MANBA: variants seen among roughly 807,000 people sequenced by gnomAD.
MANBA encodes the protein mannosidase beta.
A neutral mutation model predicts 111.1 loss-of-function variants in MANBA; 83 were observed. The observed-to-expected ratio is 0.75, with a 90% CI of 0.63 to 0.90. The LOEUF is 0.90. MANBA is among the 40% of genes least tolerant of loss of function. The pLI is 0.00. For synonymous variants in MANBA, 370 were observed against 378.7 expected (o/e 0.98, Z 0.27); for missense variants, 1,036 against 1,069.0 (o/e 0.97, Z 0.43).
intron 5 of MANBA, among the ~76,000 whole-genome samples, chr4:102,705,111 G>T (rs1369358379): frequency 6.6e-6 from 1 of 152,164 alleles, no homozygotes; most frequent in Admixed American, 6.5e-5. Flanking sequence ...GGAGAGAAAA[G>T]GAAGGAACCC....
chr4:102,694,965 T>C (rs1732640770), intron 5 of MANBA, among the ~76,000 whole-genome samples: 1 of 152,134 alleles, frequency 6.6e-6, no homozygotes, highest in African/African-American at 2.4e-5. Flanking sequence ...AGAATGTGGT[T>C]CTGGCCACTA....
chr4:102,667,392 CAACTT>C (rs942757979), intron 10 of MANBA: 1 of 152,090 alleles, frequency 6.6e-6, no homozygotes, highest in African/African-American at 2.4e-5. Flanking sequence ...AAAATTGTCT[CAACTT>C]AAAACCAGAT....
chr4:102,672,926 CT>C (rs1035573052), intron 8 of MANBA, among the ~76,000 whole-genome samples: 101 of 152,260 alleles, frequency 6.6e-4, no homozygotes, highest in Middle Eastern at 3.4e-3. Context: ...GACTGCTGTC[CT>C]ACGTAGTTAT....
At chr4:102,751,591 T>A (rs1372466678) in intron 1 of MANBA, 1 of 539,424 alleles carries the variant, frequency 1.9e-6, no homozygotes, top group Non-Finnish European at 3.8e-6. Context: ...TTTCTGCGAA[T>A]GTCCTTGGTC....
At chr4:102,680,708 C>A (rs1731934335) in intron 7 of MANBA, among the ~76,000 whole-genome samples, 1 of 152,204 alleles carries the variant, frequency 6.6e-6, no homozygotes, top group Non-Finnish European at 1.5e-5. Context: ...TGCATGAACT[C>A]CACAGTGAAT....
chr4:102,724,355 C>T (rs1404459960), intron 2 of MANBA, among the ~76,000 whole-genome samples: 1 of 152,102 alleles, frequency 6.6e-6, no homozygotes, highest in Non-Finnish European at 1.5e-5. Context: ...GTCAGGAGTT[C>T]GAGACCATCC....
rs960122613 is a variant in MANBA at position 102,631,284 on chromosome 4, A to G, written c.*773T>C. ...CTAATAATATCTTAATTTTAAAGCC[A>G]AACACTCTTTGCTGGTCCATTCTAT... On this transcript the variant is annotated 3_prime_UTR_variant, in exon 17 of 17. Coordinates refer to ENST00000647097, the MANE Select transcript of MANBA (RefSeq NM_005908.4). 3 of 153,376 alleles carry G rather than the reference A, an allele frequency of 2.0e-5. No homozygotes were observed. Among genetic ancestry groups the G allele is most frequent in the African/African-American group, 7.2e-5 (3 of 41,432 alleles). 9.5% of individuals were successfully genotyped at this position (153,376 alleles called of 1,614,324 possible).
At chr4:102,646,244 C>T (rs1339818036) in intron 13 of MANBA, among the ~76,000 whole-genome samples, 2 of 152,032 alleles carry the variant, frequency 1.3e-5, no homozygotes, top group East Asian at 3.9e-4. Flanking sequence ...ATATAATACA[C>T]AATGTTAATG....
chr4:102,679,054 C>T (rs1256347357), intron 7 of MANBA, among the ~76,000 whole-genome samples: 1 of 152,176 alleles, frequency 6.6e-6, no homozygotes, highest in Admixed American at 6.5e-5. Flanking sequence ...TAAGAGACAA[C>T]CAAACACTGC....
chr4:102,729,810 G>A, intron 1 of MANBA: 1 of 1,228,466 alleles, frequency 8.1e-7, no homozygotes, highest in Non-Finnish European at 1.2e-6. Flanking sequence ...GCTCCACTTA[G>A]TCTCCAGCAT....
At chr4:102,709,232 G>T (rs940283538) in intron 5 of MANBA, among the ~76,000 whole-genome samples, 4 of 136,628 alleles carry the variant, frequency 2.9e-5, no homozygotes, top group Non-Finnish European at 6.3e-5. Flanking sequence ...GAAAGGAAAG[G>T]AAAAAAGAAA....
At chr4:102,723,094 T>G (rs1722653207) in intron 3 of MANBA, 53 bp from the exon 4 acceptor site, 2 of 1,534,792 alleles carry the variant, frequency 1.3e-6, no homozygotes, top group South Asian at 1.1e-5. Flanking sequence ...TAGTCTTGTG[T>G]GTAAAATTTT....
At chr4:102,650,511 T>G in intron 13 of MANBA, 26 bp downstream of exon 13, 1 of 1,586,720 alleles carries the variant, frequency 6.3e-7, no homozygotes, top group Non-Finnish European at 8.7e-7. Context: ...AGGAACCTGT[T>G]CAATTCTAGA....
chr4:102,707,823 T>C (rs1228138658), intron 5 of MANBA, among the ~76,000 whole-genome samples: 2 of 151,796 alleles, frequency 1.3e-5, no homozygotes, highest in African/African-American at 4.8e-5. Flanking sequence ...AAAAATATAT[T>C]CCATGCAAAT....
Position 102,740,449 on chromosome 4 carries a change from A to G in MANBA, c.178-13766T>C, listed in dbSNP as rs1199344758. 2.0e-5 allele frequency among the ~76,000 whole-genome samples: 3 copies of G among 152,224 alleles called. No homozygotes were observed. In the South Asian group the frequency reaches 6.2e-4, roughly 31 times the overall value. Reference sequence around the variant, plus strand: ...TCACAGAACTAGCAAAAGCAAACCTAAAATTCATATAAAACTCAAAAGGAG... The same window carrying G: ...TCACAGAACTAGCAAAAGCAAACCTGAAATTCATATAAAACTCAAAAGGAG... On this transcript the variant is annotated intron_variant, in intron 1 of 16. Transcript: ENST00000647097.
At chr4:102,725,899 C>T (rs1442577511) in intron 2 of MANBA, among the ~76,000 whole-genome samples, 1 of 151,982 alleles carries the variant, frequency 6.6e-6, no homozygotes, top group African/African-American at 2.4e-5. Context: ...TCAAGAAAAA[C>T]AATGAAGCTG....
intron 15 of MANBA, among the ~76,000 whole-genome samples, 166 bp from the exon 16 acceptor site, chr4:102,635,211 T>TG (rs397769668): frequency 9.5e-5 from 3 of 31,730 alleles, no homozygotes; most frequent in Non-Finnish European, 1.8e-4. Context: ...TGTGACTAAG[T>TG]AACTTCTCAG....
At chr4:102,668,745 A>G (rs1226712080) in intron 10 of MANBA, 1 of 522,494 alleles carries the variant, frequency 1.9e-6, no homozygotes, top group Non-Finnish European at 3.5e-6. Context: ...AATTCAGCAG[A>G]GAAATCAGGA....
intron 1 of MANBA, among the ~76,000 whole-genome samples, chr4:102,735,246 G>C (rs1723171715): frequency 6.6e-6 from 1 of 152,158 alleles, no homozygotes; most frequent in African/African-American, 2.4e-5. Context: ...TTGGCTGAAG[G>C]CATGCATATT....
Sources: allele counts gnomAD v4.1 joint callset (sites outside exome capture counted in the v4.1 genomes callset), GRCh38; gene constraint gnomAD v4.1.1; transcripts MANE v1.5; gene names NCBI Gene and HGNC (gene_info 2026-07-23, HGNC 2026-07-21).